Variants in ASIC2 observed in about 807,000 individuals in gnomAD.
The protein encoded by ASIC2 is acid sensing ion channel subunit 2.
A neutral mutation model predicts 57.3 loss-of-function variants in ASIC2; 25 were observed. That is an observed-to-expected ratio of 0.44 (90% confidence interval 0.32 to 0.61). The LOEUF (loss-of-function observed/expected upper bound fraction) is 0.61, where lower values mean the gene tolerates loss of function less well. ASIC2 is among the 20% of genes least tolerant of loss of function. ASIC2 has a pLI of 0.06. For missense variants in ASIC2, 641 were observed against 738.1 expected (o/e 0.87, Z 1.52); for synonymous variants, 319 against 307.5 (o/e 1.04, Z -0.39).
At chr17:33,902,511 C>T (rs1487548259) in intron 1 of ASIC2, among the ~76,000 whole-genome samples, 1 of 152,186 alleles carries the variant, frequency 6.6e-6, no homozygotes, top group Non-Finnish European at 1.5e-5. Context: ...CACTTCAGCA[C>T]TGTGGTGGAC....
At chr17:33,808,732 T>C (rs1265729001) in intron 1 of ASIC2, among the ~76,000 whole-genome samples, 1 of 152,182 alleles carries the variant, frequency 6.6e-6, no homozygotes, top group Non-Finnish European at 1.5e-5. Flanking sequence ...TGATACCCTC[T>C]ACTAAGGCAT....
chr17:33,636,283 A>G (rs1906360961), intron 1 of ASIC2, among the ~76,000 whole-genome samples: 1 of 152,208 alleles, frequency 6.6e-6, no homozygotes, highest in Admixed American at 6.5e-5. Context: ...TATAATATTT[A>G]TAAGGATATC....
intron 1 of ASIC2, among the ~76,000 whole-genome samples, chr17:33,721,304 G>C (rs1233021310): frequency 2.6e-5 from 4 of 152,148 alleles, no homozygotes; most frequent in Admixed American, 6.5e-5. Flanking sequence ...GCGCTCACCA[G>C]GATTTCAATT....
chr17:33,723,896 TAAAG>T (rs1327037186), intron 1 of ASIC2, among the ~76,000 whole-genome samples: 1 of 152,120 alleles, frequency 6.6e-6, no homozygotes, highest in East Asian at 1.9e-4. Context: ...ACAACAAAAA[TAAAG>T]AATTTTCCTG....
At chr17:33,752,192 G>A (rs1023129505) in intron 1 of ASIC2, among the ~76,000 whole-genome samples, 1 of 152,058 alleles carries the variant, frequency 6.6e-6, no homozygotes, top group African/African-American at 2.4e-5. Flanking sequence ...CCCTCTGAGA[G>A]TCGGCCCTTT....
intron 1 of ASIC2, among the ~76,000 whole-genome samples, chr17:33,586,347 G>A (rs964189767): frequency 2.0e-4 from 30 of 152,064 alleles, no homozygotes; most frequent in African/African-American, 6.8e-4. Context: ...ATTGAGATAC[G>A]TCTTATAAAA....
intron 1 of ASIC2, among the ~76,000 whole-genome samples, chr17:33,422,679 C>T (rs1169264181): frequency 6.6e-6 from 1 of 152,170 alleles, no homozygotes; most frequent in East Asian, 1.9e-4. Flanking sequence ...CTCAGATACC[C>T]CTTCAACACA....
intron 1 of ASIC2, among the ~76,000 whole-genome samples, chr17:33,329,200 C>A (rs1167431654): frequency 6.6e-6 from 1 of 152,082 alleles, no homozygotes; most frequent in Non-Finnish European, 1.5e-5. Flanking sequence ...GTGGTAAAAT[C>A]CTTTACCTTC....
intron 1 of ASIC2, among the ~76,000 whole-genome samples, chr17:34,075,816 CTTTTT>C (rs1909618123): frequency 7.7e-6 from 1 of 129,206 alleles, no homozygotes; most frequent in African/African-American, 2.9e-5. Flanking sequence ...AAGTCTTTTT[CTTTTT>C]CCTTTTTTTT....
chr17:33,684,202 G>A (rs1385882439), intron 1 of ASIC2, among the ~76,000 whole-genome samples: 6 of 152,176 alleles, frequency 3.9e-5, no homozygotes, highest in Non-Finnish European at 7.3e-5. Context: ...ACCCTGGCAT[G>A]TCCAAAAGCA....
At chr17:33,641,369 T>C (rs1373291874) in intron 1 of ASIC2, among the ~76,000 whole-genome samples, 1 of 152,196 alleles carries the variant, frequency 6.6e-6, no homozygotes, top group Non-Finnish European at 1.5e-5. Flanking sequence ...GCATATACTA[T>C]AAGCTCTGTT....
intron 1 of ASIC2, among the ~76,000 whole-genome samples, chr17:33,769,585 G>A (rs976761541): frequency 5.3e-5 from 8 of 152,176 alleles, no homozygotes; most frequent in African/African-American, 1.7e-4. Flanking sequence ...TTATGAACAC[G>A]TATCCTTATT....
intron 1 of ASIC2, among the ~76,000 whole-genome samples, chr17:33,699,579 C>G (rs557605892): frequency 1.3e-4 from 20 of 152,286 alleles, no homozygotes; most frequent in African/African-American, 4.6e-4. Context: ...TACCTTTCTC[C>G]TTGTGGACAA....
chr17:33,221,242 A>G (rs1907682047), intron 1 of ASIC2, among the ~76,000 whole-genome samples: 1 of 152,186 alleles, frequency 6.6e-6, no homozygotes, highest in South Asian at 2.1e-4. Context: ...TGTTTCCTAC[A>G]TCTGAGGAAC....
intron 1 of ASIC2, among the ~76,000 whole-genome samples, chr17:33,371,714 G>A (rs1197121342): frequency 6.6e-6 from 1 of 151,854 alleles, no homozygotes; most frequent in Non-Finnish European, 1.5e-5. Context: ...TTTTAACAGG[G>A]AGAGGGTGAA....
intron 1 of ASIC2, among the ~76,000 whole-genome samples, chr17:33,401,421 C>T (rs1035461604): frequency 2.0e-5 from 3 of 152,132 alleles, no homozygotes; most frequent in Non-Finnish European, 1.5e-5. Flanking sequence ...GCCTCCATGC[C>T]CTTCTCCCTA....
chr17:34,011,007 C>CACACAG (rs1189805231), intron 1 of ASIC2, among the ~76,000 whole-genome samples: 2 of 1,334 alleles, frequency 1.5e-3, no homozygotes, highest in Admixed American at 0.011. Context: ...GACACACACA[C>CACACAG]ACACAGATGC....
intron 3 of ASIC2, among the ~76,000 whole-genome samples, chr17:33,086,117 C>T (rs2092133062): frequency 6.6e-6 from 1 of 152,088 alleles, no homozygotes; most frequent in South Asian, 2.1e-4. Context: ...TCCTAGAAGT[C>T]ATAGCTCCGA....
rs1453783290 is a variant in ASIC2 at position 33,058,479 on chromosome 17, A to AC, written c.988-30088_988-30087insG. On this transcript the variant is annotated intron_variant, in intron 3 of 9. Coordinates refer to ENST00000225823, the MANE Select transcript of ASIC2 (RefSeq NM_183377.2). ...CTCCCTTCTGAGAAGTCAAAAAAAA[A>AC]AAAAAAAAAAAACAAAACCCAAAAC... 2.9e-4 allele frequency among the ~76,000 whole-genome samples: 44 copies of AC among 151,022 alleles called. 1 individual carries two copies. The highest frequency in any genetic ancestry group is 1.1e-3 in the African/African-American group (43 of 40,830).
Sources: gnomAD v4.1 joint callset for allele counts (sites outside exome capture counted in the v4.1 genomes callset) on GRCh38, gnomAD v4.1.1 for gene constraint, MANE v1.5 for transcripts, NCBI Gene and HGNC (gene_info 2026-07-23, HGNC 2026-07-21) for gene names.